Variants in AKAP6 observed in about 807,000 individuals in gnomAD.
AKAP6 encodes A-kinase anchoring protein 6.
A neutral mutation model predicts 188.5 loss-of-function variants in AKAP6; 58 were observed. The ratio of observed to expected loss-of-function variants is 0.31; its 90% CI spans 0.25 to 0.38. The LOEUF (loss-of-function observed/expected upper bound fraction) is 0.38. AKAP6 is among the 10% of genes least tolerant of loss of function. The pLI is 1.00. For synonymous variants in AKAP6, 989 were observed against 998.6 expected, an observed-to-expected ratio of 0.99 and a Z score of 0.18; for missense variants, 2,710 against 2,740.0, an observed-to-expected ratio of 0.99 and a Z score of 0.24.
chr14:32,412,553 T>C (rs1466234816), intron 1 of AKAP6, among the ~76,000 whole-genome samples: 3 of 152,234 alleles, frequency 2.0e-5, no homozygotes, highest in Admixed American at 6.5e-5. Flanking sequence ...TATACAAAAA[T>C]AATGCAGGCA....
At chr14:32,632,567 A>G (rs1273571155) in intron 7 of AKAP6, among the ~76,000 whole-genome samples, 1 of 152,086 alleles carries the variant, frequency 6.6e-6, no homozygotes, top group Non-Finnish European at 1.5e-5. Flanking sequence ...GGAAATGATA[A>G]ATTTGCAGAG....
chr14:32,368,277 G>A lies in AKAP6; in HGVS notation c.-35+38869G>A, dbSNP rs184318870. On this transcript the variant is annotated intron_variant, in intron 1 of 13. Transcript: ENST00000280979. ...ATCTTTATATGGCACCTTTAAGATC[G>A]TATCAGCCTATTTCGTTAATTCAGC... 1.6e-3 allele frequency among the ~76,000 whole-genome samples: 243 copies of A among 152,214 alleles called. 2 individuals are homozygous for A. Among genetic ancestry groups the A allele is most frequent in the Middle Eastern group, 3.4e-3 (1 of 294 alleles).
intron 1 of AKAP6, chr14:32,418,017 G>A (rs1013953006): frequency 6.6e-6 from 1 of 152,110 alleles, no homozygotes; most frequent in Non-Finnish European, 1.5e-5. Flanking sequence ...AGGCCAAAGA[G>A]CACAATGAAT....
chr14:32,348,555 C>G (rs1260581434), intron 1 of AKAP6, among the ~76,000 whole-genome samples: 1 of 151,714 alleles, frequency 6.6e-6, no homozygotes. Context: ...GCTGGGATTA[C>G]AGGCGTGCTC....
In AKAP6 at chr14:32,786,296, A is replaced by ATGTTTTTTTT; in HGVS notation, c.3588+12404_3588+12405insGTTTTTTTTT. 8.0e-3 allele frequency among the ~76,000 whole-genome samples: 748 copies of ATGTTTTTTTT among 93,566 alleles called. 133 individuals are homozygous for ATGTTTTTTTT. Among genetic ancestry groups the ATGTTTTTTTT allele is most frequent in the African/African-American group, 0.014 (335 of 24,328 alleles). The allele number at this position is 93,566 out of a possible 152,430, so 61.4% of individuals were successfully genotyped here. ...AGCCCTCTGAAAGACCTAAACCTTT[A>ATGTTTTTTTT]TCTTTTTTTTTTTTTTTTTTTTTTT... On this transcript the variant is annotated intron_variant, in intron 12 of 13. Coordinates refer to ENST00000280979, the MANE Select transcript of AKAP6 (RefSeq NM_004274.5).
chr14:32,744,937 T>C (rs1003040029), intron 11 of AKAP6, among the ~76,000 whole-genome samples: 3 of 152,136 alleles, frequency 2.0e-5, no homozygotes, highest in Admixed American at 1.3e-4. Flanking sequence ...TTTTTTCAGA[T>C]CCAGAATTTC....
chr14:32,414,578 C>A (rs1234162134), intron 1 of AKAP6, among the ~76,000 whole-genome samples: 1 of 152,150 alleles, frequency 6.6e-6, no homozygotes, highest in Non-Finnish European at 1.5e-5. Flanking sequence ...TGAAATTTTA[C>A]AGCTGAATGA....
At chr14:32,475,400 C>A (rs907878932) in intron 2 of AKAP6, among the ~76,000 whole-genome samples, 8 of 152,190 alleles carry the variant, frequency 5.3e-5, no homozygotes, top group Admixed American at 1.3e-4. Context: ...GGCATCCCCT[C>A]CATTAATCCT....
intron 7 of AKAP6, among the ~76,000 whole-genome samples, chr14:32,616,760 A>T (rs937942326): frequency 7.2e-5 from 11 of 152,250 alleles, no homozygotes; most frequent in African/African-American, 2.2e-4. Flanking sequence ...AACTAAAAAA[A>T]AATTAGCCTC....
chr14:32,483,161 A>G (rs4296166), intron 2 of AKAP6, among the ~76,000 whole-genome samples: 94,952 of 151,978 alleles, frequency 0.62, 30,961 homozygotes, highest in East Asian at 0.86. Context: ...TAGGTAAAAC[A>G]TGGTATTTCA....
intron 7 of AKAP6, among the ~76,000 whole-genome samples, chr14:32,625,824 C>G (rs1886998423): frequency 6.6e-6 from 1 of 152,074 alleles, no homozygotes; most frequent in Admixed American, 6.6e-5. Flanking sequence ...ATGAGTTAAG[C>G]ACCCTTTAAA....
chr14:32,406,033 A>T (rs1017968762), intron 1 of AKAP6, among the ~76,000 whole-genome samples: 2 of 152,228 alleles, frequency 1.3e-5, no homozygotes, highest in African/African-American at 4.8e-5. Flanking sequence ...AACAAGGAAT[A>T]GGTAGCACTC....
intron 8 of AKAP6, among the ~76,000 whole-genome samples, chr14:32,687,623 C>T (rs2139670424): frequency 6.6e-6 from 1 of 152,206 alleles, no homozygotes; most frequent in Non-Finnish European, 1.5e-5. Flanking sequence ...AACAGTCTCA[C>T]ATATAGATTA....
At chr14:32,583,626 A>C (rs1594761484) in intron 5 of AKAP6, among the ~76,000 whole-genome samples, 1 of 152,150 alleles carries the variant, frequency 6.6e-6, no homozygotes, top group South Asian at 2.1e-4. Context: ...GATGGGCTCC[A>C]CCCAGTTCGA....
chr14:32,709,465 T>G (rs1261171450), intron 9 of AKAP6, among the ~76,000 whole-genome samples: 1 of 152,050 alleles, frequency 6.6e-6, no homozygotes, highest in Admixed American at 6.6e-5. Flanking sequence ...ATCACCTACT[T>G]AATGATTCTT....
In AKAP6 at chr14:32,832,260, T is replaced by A. The variant is rs546178247; in HGVS notation, c.*2455T>A. On this transcript the variant is annotated 3_prime_UTR_variant, in exon 14 of 14. Transcript: ENST00000280979. ...TGTAGTGAAAGAACAAATCCTAGAG[T>A]CTTTGAAATTTCTAAGGGCATTCTA... 6.6e-6 allele frequency: 1 copy of A among 151,844 alleles called. No homozygotes were observed. Among genetic ancestry groups the A allele is most frequent in the South Asian group, 2.1e-4 (1 of 4,814 alleles). The allele number at this position is 151,844 out of a possible 1,614,324, so 9.4% of individuals were successfully genotyped here. A position where few individuals can be genotyped will look rare whatever the true frequency, so the allele number is the denominator to read the frequency against.
At chr14:32,414,113 G>T (rs998644406) in intron 1 of AKAP6, among the ~76,000 whole-genome samples, 3 of 152,064 alleles carry the variant, frequency 2.0e-5, no homozygotes, top group African/African-American at 7.2e-5. Flanking sequence ...TTGAGGTCGA[G>T]TAAGCCTGGC....
At chr14:32,456,749 A>C (rs879537085) in intron 2 of AKAP6, among the ~76,000 whole-genome samples, 5 of 152,116 alleles carry the variant, frequency 3.3e-5, no homozygotes, top group Non-Finnish European at 7.4e-5. Flanking sequence ...GATCTTGTCC[A>C]AGGACCCCAA....
chr14:32,797,082 C>T (rs1160712640), intron 12 of AKAP6, among the ~76,000 whole-genome samples: 1 of 152,100 alleles, frequency 6.6e-6, no homozygotes, highest in East Asian at 1.9e-4. Flanking sequence ...AATGAGATAC[C>T]ATCTCACGCC....
Sources: allele counts gnomAD v4.1 joint callset (sites outside exome capture counted in the v4.1 genomes callset), GRCh38; gene constraint gnomAD v4.1.1; transcripts MANE v1.5; gene names NCBI Gene and HGNC (gene_info 2026-07-23, HGNC 2026-07-21).